Variants in LYN observed in about 807,000 individuals in gnomAD.
LYN encodes the protein LYN proto-oncogene, Src family tyrosine kinase, also known as tyrosine-protein kinase Lyn.
A neutral mutation model predicts 65.0 loss-of-function variants in LYN; 12 were observed. The observed-to-expected ratio is 0.18, with a 90% CI of 0.12 to 0.30. The LOEUF (loss-of-function observed/expected upper bound fraction) is 0.30. Ranked by LOEUF, LYN falls within the 10% of genes least tolerant of loss-of-function variation. The pLI is 1.00. For synonymous variants in LYN, 222 were observed against 221.2 expected, an observed-to-expected ratio of 1.00 and a Z score of -0.03; for missense variants, 380 against 623.2, an observed-to-expected ratio of 0.61 and a Z score of 4.16.
intron 12 of LYN, among the ~76,000 whole-genome samples, chr8:56,001,040 G>T (rs1349796416): frequency 6.6e-6 from 1 of 151,990 alleles, no homozygotes; most frequent in East Asian, 1.9e-4. Context: ...CTTAGGGATT[G>T]GCGAGTACTC....
intron 11 of LYN, 50 bp from the exon 12 acceptor site, chr8:55,999,364 CTTTT>C: frequency 6.5e-7 from 1 of 1,537,964 alleles, no homozygotes; most frequent in Non-Finnish European, 8.9e-7. Flanking sequence ...ATGTTCATGA[CTTTT>C]TTGTTTAAGT....
In LYN at chr8:56,010,051, C is replaced by G. The variant is rs1382352431; in HGVS notation, c.1480C>G (p.Gln494Glu). The G allele has an allele frequency of 2.5e-6, 4 of 1,614,166 alleles. No individual in the cohort carries two copies. The highest frequency in any genetic ancestry group is 1.7e-5 in the Admixed American group (1 of 60,024). Reference protein sequence around the residue: ...AEERPTFDYLQSVLDDFYTAT... With the variant: ...AEERPTFDYLESVLDDFYTAT... ...AGAGAGACCAACGTTTGACTACTTA[C>G]AGAGCGTCCTGGATGATTTCTACAC... The change falls in exon 13 of 13, where the codon CAG becomes GAG. Residue 494 changes from glutamine to glutamate, a missense_variant. Physicochemically the swap from Gln to Glu is conservative, Grantham distance 29. Coordinates refer to ENST00000519728, the MANE Select transcript of LYN (RefSeq NM_002350.4).
At position 55,930,031 on chromosome 8, in the gene LYN, C is replaced by T. The variant is rs545692972; in HGVS notation, c.-5-11824C>T. Among the ~76,000 whole-genome samples the T allele has an allele frequency of 7.6e-4, 115 of 152,298 alleles. 1 individual carries two copies. Among genetic ancestry groups the T allele is most frequent in the African/African-American group, 2.6e-3 (110 of 41,560 alleles). On this transcript the variant is annotated intron_variant, in intron 1 of 12. Coordinates refer to ENST00000519728, the MANE Select transcript of LYN (RefSeq NM_002350.4). ...TAGTAGATTCTCATAGGGGCGTGAA[C>T]CCCATCGTGAACTGCACATGTGAGG...
chr8:55,935,218 A>G (rs1806394430), intron 1 of LYN, among the ~76,000 whole-genome samples: 2 of 152,274 alleles, frequency 1.3e-5, no homozygotes, highest in South Asian at 4.1e-4. Context: ...AAGAAAAAAA[A>G]CAAAAACAAA....
intron 10 of LYN, among the ~76,000 whole-genome samples, chr8:55,974,953 C>T (rs1320592676): frequency 6.6e-6 from 1 of 152,140 alleles, no homozygotes; most frequent in East Asian, 1.9e-4. Context: ...CTCCCCACTC[C>T]ATATATAATC....
intron 3 of LYN, among the ~76,000 whole-genome samples, chr8:55,947,414 G>A (rs963906289): frequency 1.3e-5 from 2 of 152,154 alleles, no homozygotes; most frequent in Admixed American, 6.5e-5. Context: ...TAAGTGATTT[G>A]CAAGAACAAA....
At chr8:55,919,783 C>G (rs952704498) in intron 1 of LYN, among the ~76,000 whole-genome samples, 8 of 152,088 alleles carry the variant, frequency 5.3e-5, no homozygotes, top group African/African-American at 1.9e-4. Flanking sequence ...AGAATGCACC[C>G]GTCTGGGTGA....
intron 1 of LYN, among the ~76,000 whole-genome samples, chr8:55,904,948 A>G (rs1046056554): frequency 1.3e-5 from 2 of 152,152 alleles, no homozygotes; most frequent in Admixed American, 6.5e-5. Flanking sequence ...AATGGGGAGC[A>G]TTTAAACCTC....
In LYN at chr8:56,013,317, A is replaced by G. The variant is rs1208305310; in HGVS notation, c.*3207A>G. ...AGTCTCACTCTGTCACGCAGGCTAGAGTTGCAGTGGTGCGATCTCAGCTCA... is the reference window on the plus strand; with the variant it reads ...AGTCTCACTCTGTCACGCAGGCTAGGGTTGCAGTGGTGCGATCTCAGCTCA... On this transcript the variant is annotated 3_prime_UTR_variant, in exon 13 of 13. Transcript: ENST00000519728. 3 of 146,998 alleles carry G rather than the reference A, an allele frequency of 2.0e-5. No homozygotes were observed. Among genetic ancestry groups the G allele is most frequent in the Non-Finnish European group, 4.4e-5 (3 of 67,436 alleles). 9.1% of individuals were successfully genotyped at this position (146,998 alleles called of 1,614,324 possible).
Position 55,995,756 on chromosome 8 carries a change from T to C in LYN, c.1051-2590T>C, listed in dbSNP as rs1808358524. 2.0e-5 allele frequency among the ~76,000 whole-genome samples: 3 copies of C among 151,468 alleles called. No homozygotes were observed. In the South Asian group the frequency reaches 6.3e-4, roughly 32 times the overall value. ...AGAAGCACAAAGGAGGGGGTCGTGG[T>C]GAGGAGGTGGAGGGCTGAGCCGGGG... On this transcript the variant is annotated intron_variant, in intron 10 of 12. Transcript: ENST00000519728.
At chr8:55,894,802 T>G (rs1333713107) in intron 1 of LYN, among the ~76,000 whole-genome samples, 1 of 152,116 alleles carries the variant, frequency 6.6e-6, no homozygotes, top group Admixed American at 6.6e-5. Flanking sequence ...CCCAAAGTTC[T>G]GGGATTACAG....
intron 1 of LYN, among the ~76,000 whole-genome samples, chr8:55,883,833 A>C (rs187711825): frequency 1.3e-5 from 2 of 152,292 alleles, no homozygotes; most frequent in East Asian, 3.9e-4. Flanking sequence ...GATAATGAAG[A>C]GAAGAACATG....
At chr8:55,931,207 A>G (rs991927582) in intron 1 of LYN, among the ~76,000 whole-genome samples, 5 of 148,664 alleles carry the variant, frequency 3.4e-5, no homozygotes, top group Non-Finnish European at 1.5e-5. Context: ...TACATAGCAC[A>G]TATTATATGT....
At chr8:55,899,623 A>C (rs530865589) in intron 1 of LYN, among the ~76,000 whole-genome samples, 1 of 152,276 alleles carries the variant, frequency 6.6e-6, no homozygotes, top group South Asian at 2.1e-4. Flanking sequence ...AAGTTGGTAC[A>C]GTTATCATCC....
intron 4 of LYN, 41 bp from the exon 5 acceptor site, chr8:55,950,418 G>A (rs1806906976): frequency 1.5e-6 from 2 of 1,341,968 alleles, no homozygotes; most frequent in Non-Finnish European, 2.1e-6. Flanking sequence ...CATGGAGTAT[G>A]TAATCTTTTA....
rs1563320989 is a variant in LYN, at chr8:55,976,065, G to A, written c.1050+6272G>A. Among the ~76,000 whole-genome samples, 3 of 152,166 alleles carry A rather than the reference G, an allele frequency of 2.0e-5. No individual in the cohort carries two copies. In the East Asian group the frequency reaches 5.8e-4, roughly 29 times the overall value. Reference sequence around the variant, plus strand: ...AGTCACAAAATGCTATTCTCTTTGGGTACTCATCATGGAAGCTTGCAGGGC... The same window carrying A: ...AGTCACAAAATGCTATTCTCTTTGGATACTCATCATGGAAGCTTGCAGGGC... On this transcript the variant is annotated intron_variant, in intron 10 of 12. Transcript: ENST00000519728.
intron 1 of LYN, among the ~76,000 whole-genome samples, chr8:55,936,115 G>C (rs190429040): frequency 5.9e-5 from 9 of 152,358 alleles, no homozygotes; most frequent in African/African-American, 2.2e-4. Flanking sequence ...TGGAATGCAA[G>C]TGTGTAGGGA....
At chr8:55,926,642 C>T (rs756827844) in intron 1 of LYN, among the ~76,000 whole-genome samples, 9 of 152,170 alleles carry the variant, frequency 5.9e-5, no homozygotes, top group East Asian at 1.9e-4. Context: ...CAGCAGGTAA[C>T]GGCCTGCCCT....
chr8:55,996,417 C>T (rs1467191827), intron 10 of LYN, among the ~76,000 whole-genome samples: 2 of 152,172 alleles, frequency 1.3e-5, no homozygotes, highest in Non-Finnish European at 2.9e-5. Context: ...TCCTCCAAGC[C>T]GAGCCACCTG....
Sources: allele counts gnomAD v4.1 joint callset (sites outside exome capture counted in the v4.1 genomes callset), GRCh38; gene constraint gnomAD v4.1.1; transcripts MANE v1.5; gene names NCBI Gene and HGNC (gene_info 2026-07-23, HGNC 2026-07-21).